The following DENND1B variants were observed in gnomAD, a reference collection of about 807,000 sequenced individuals.
DENND1B encodes the protein DENN domain containing 1B.
Under a neutral mutation model 90.1 loss-of-function variants are expected in DENND1B, and 59 were observed. The ratio of observed to expected loss-of-function variants is 0.65; its 90% CI spans 0.53 to 0.81. DENND1B has a LOEUF of 0.81. Ranked by LOEUF, DENND1B falls within the 40% of genes least tolerant of loss-of-function variation. The probability of loss-of-function intolerance (pLI) is 0.00; values close to 1 mark genes in which losing one functional copy is unlikely to be tolerated. For synonymous variants in DENND1B, 337 were observed against 324.6 expected, an observed-to-expected ratio of 1.04 and a Z score of -0.41; for missense variants, 862 against 912.6, an observed-to-expected ratio of 0.94 and a Z score of 0.71.
intron 3 of DENND1B, among the ~76,000 whole-genome samples, chr1:197,684,257 A>G (rs1657001484): frequency 1.3e-5 from 2 of 152,056 alleles, no homozygotes; most frequent in Admixed American, 6.6e-5. Flanking sequence ...TTTATGTGTG[A>G]AAAAAAATTA....
intron 5 of DENND1B, among the ~76,000 whole-genome samples, chr1:197,659,739 A>G (rs905641186): frequency 1.3e-5 from 2 of 151,996 alleles, no homozygotes; most frequent in African/African-American, 2.4e-5. Context: ...GAAAAGGACC[A>G]GCAGAAGTGC....
At chr1:197,642,858 C>G (rs375744947) in intron 9 of DENND1B, 37 bp from the exon 10 acceptor site, 78 of 1,463,890 alleles carry the variant, frequency 5.3e-5, no homozygotes, top group Admixed American at 1.8e-5. Flanking sequence ...AGTTACAGCT[C>G]ATAGTGAATG....
chr1:197,716,438 G>T (rs1445427858), intron 2 of DENND1B, among the ~76,000 whole-genome samples: 1 of 151,318 alleles, frequency 6.6e-6, no homozygotes, highest in Non-Finnish European at 1.5e-5. Flanking sequence ...AAAACAAAAT[G>T]CATACATTTC....
chr1:197,599,637 C>G (rs1676020779), intron 13 of DENND1B, among the ~76,000 whole-genome samples: 1 of 151,758 alleles, frequency 6.6e-6, no homozygotes. Context: ...TATTAAATCC[C>G]TACACTTTTT....
chr1:197,753,153 C>T (rs1039232724), intron 2 of DENND1B, among the ~76,000 whole-genome samples: 1 of 151,928 alleles, frequency 6.6e-6, no homozygotes, highest in African/African-American at 2.4e-5. Flanking sequence ...GGAAAAATAT[C>T]AATATGCGAT....
At chr1:197,751,542 A>T (rs1653501785) in intron 2 of DENND1B, among the ~76,000 whole-genome samples, 1 of 152,114 alleles carries the variant, frequency 6.6e-6, no homozygotes, top group African/African-American at 2.4e-5. Context: ...AATCCAAAGT[A>T]GAAGAAAATA....
chr1:197,586,914 G>A (rs1163933218), intron 14 of DENND1B, among the ~76,000 whole-genome samples: 1 of 152,120 alleles, frequency 6.6e-6, no homozygotes, highest in African/African-American at 2.4e-5. Flanking sequence ...TTTTTCAATG[G>A]TGAGAGGTGC....
chr1:197,629,041 G>A (rs1679069472), intron 10 of DENND1B, among the ~76,000 whole-genome samples: 1 of 152,234 alleles, frequency 6.6e-6, no homozygotes, highest in East Asian at 1.9e-4. Flanking sequence ...GTGCTGGAGA[G>A]GATGTGGAGA....
At chr1:197,747,962 T>C (rs1347836603) in intron 2 of DENND1B, among the ~76,000 whole-genome samples, 1 of 152,142 alleles carries the variant, frequency 6.6e-6, no homozygotes, top group Non-Finnish European at 1.5e-5. Context: ...AATGAAACCA[T>C]AAGAGGCTAA....
At chr1:197,706,811 C>T (rs991692492) in intron 3 of DENND1B, among the ~76,000 whole-genome samples, 1 of 152,042 alleles carries the variant, frequency 6.6e-6, no homozygotes, top group Non-Finnish European at 1.5e-5. Context: ...AGGGGAACTC[C>T]ACACACTGTT....
At position 197,651,804 on chromosome 1, in the gene DENND1B, T is replaced by C. The variant is rs1572198223; in HGVS notation, c.447+431A>G. ...CTGAGTAGCTGGGACTACAGGCGCC[T>C]GCCACCACGCCCGGCTAATTTTTTG... On this transcript the variant is annotated intron_variant, in intron 7 of 22. Transcript: ENST00000620048. Among the ~76,000 whole-genome samples the C allele has an allele frequency of 3.3e-5, 5 of 151,750 alleles. No individual in the cohort carries two copies. In the South Asian group the frequency reaches 8.3e-4, roughly 25 times the overall value.
Position 197,507,696 on chromosome 1 carries a change from T to C in DENND1B, c.*2764A>G, listed in dbSNP as rs1370252918. 1 of 151,608 alleles carries C rather than the reference T, an allele frequency of 6.6e-6. No individual in the cohort carries two copies. Among genetic ancestry groups the C allele is most frequent in the Admixed American group, 6.6e-5 (1 of 15,176 alleles). 9.4% of individuals were successfully genotyped at this position (151,608 alleles called of 1,614,324 possible). ...AGCAGAGGAACTTACAAATATTTGA[T>C]TTAGTTACCATAGAAAATATGGGCA... is the stretch of plus-strand genomic sequence containing the variant. On this transcript the variant is annotated 3_prime_UTR_variant, in exon 23 of 23. Transcript: ENST00000620048.
At chr1:197,671,252 C>G (rs1424388980) in intron 5 of DENND1B, among the ~76,000 whole-genome samples, 1 of 152,104 alleles carries the variant, frequency 6.6e-6, no homozygotes, top group Non-Finnish European at 1.5e-5. Flanking sequence ...TAGACTACAT[C>G]TGGATTTCTG....
intron 2 of DENND1B, among the ~76,000 whole-genome samples, chr1:197,725,481 T>C (rs1253532878): frequency 2.6e-5 from 4 of 152,092 alleles, no homozygotes; most frequent in Non-Finnish European, 5.9e-5. Context: ...ATATATTTCT[T>C]ATATGCAAAC....
chr1:197,642,340 C>A (rs568114981), intron 10 of DENND1B, among the ~76,000 whole-genome samples: 1 of 152,254 alleles, frequency 6.6e-6, no homozygotes, highest in Non-Finnish European at 1.5e-5. Context: ...CAGCTATTAT[C>A]ATGGCCCCTT....
intron 9 of DENND1B, 116 bp from the exon 10 acceptor site, chr1:197,642,937 T>C (rs1680395208): frequency 4.7e-6 from 3 of 642,998 alleles, no homozygotes; most frequent in South Asian, 4.3e-5. Context: ...TTTAAAATGG[T>C]ATTTATTAAA....
upstream of DENND1B, among the ~76,000 whole-genome samples, chr1:197,777,322 A>G (rs1657319869): frequency 6.6e-6 from 1 of 152,218 alleles, no homozygotes; most frequent in Non-Finnish European, 1.5e-5. Context: ...CTTGAACAGT[A>G]TAAAATTGTT....
At chr1:197,602,023 G>T (rs1353799846) in intron 13 of DENND1B, among the ~76,000 whole-genome samples, 3 of 151,556 alleles carry the variant, frequency 2.0e-5, no homozygotes, top group African/African-American at 7.3e-5. Flanking sequence ...AGCTGGGTAT[G>T]CAGAAGCACA....
chr1:197,552,771 C>T (rs1377883791), intron 16 of DENND1B: 5 of 1,246,054 alleles, frequency 4.0e-6, no homozygotes, highest in South Asian at 2.6e-5. Context: ...TACTAATTTC[C>T]AGCAATATTA....
Sources: gnomAD v4.1 joint callset for allele counts (sites outside exome capture counted in the v4.1 genomes callset) on GRCh38, gnomAD v4.1.1 for gene constraint, MANE v1.5 for transcripts, NCBI Gene and HGNC (gene_info 2026-07-23, HGNC 2026-07-21) for gene names.